BMX: variants seen among roughly 807,000 people sequenced by gnomAD.
The protein encoded by BMX is cytoplasmic tyrosine-protein kinase BMX.
Under a neutral mutation model 59.2 loss-of-function variants are expected in BMX, and 31 were observed. The ratio of observed to expected loss-of-function variants is 0.52; its 90% confidence interval spans 0.39 to 0.71. The LOEUF (loss-of-function observed/expected upper bound fraction) is 0.71, where lower values mean the gene tolerates loss of function less well. BMX is among the 30% of genes least tolerant of loss of function. The pLI is 0.00. For synonymous variants in BMX, 185 were observed against 181.0 expected, an observed-to-expected ratio of 1.02 and a Z score of -0.18; for missense variants, 474 against 491.7, an observed-to-expected ratio of 0.96 and a Z score of 0.34.
At chrX:15,554,384 T>G (rs1334344771) in intron 18 of BMX, among the ~76,000 whole-genome samples, 2 of 111,658 alleles carry the variant, frequency 1.8e-5, no homozygotes, top group African/African-American at 3.3e-5. Flanking sequence ...TCTTTTCACG[T>G]TTTTAAGGGT....
intron 18 of BMX, among the ~76,000 whole-genome samples, chrX:15,550,607 T>C (rs1926146934): frequency 9.3e-6 from 1 of 107,222 alleles, no homozygotes; most frequent in Non-Finnish European, 1.9e-5. Flanking sequence ...ATAGAACTAA[T>C]GGAGGTTGTT....
At chrX:15,505,198 G>A (rs1253186240) in intron 1 of BMX, among the ~76,000 whole-genome samples, 1 of 112,329 alleles carries the variant, frequency 8.9e-6, no homozygotes, top group Non-Finnish European at 1.9e-5. Context: ...AGAGGAGAAA[G>A]GAGAAGTATA....
chrX:15,506,301 C>T (rs1185255130), intron 1 of BMX, among the ~76,000 whole-genome samples: 6 of 111,869 alleles, frequency 5.4e-5, no homozygotes, highest in Non-Finnish European at 1.1e-4. Context: ...ATTTTTAATA[C>T]AGTGTTGTTA....
chrX:15,518,399 A>G (rs910829560), intron 6 of BMX, among the ~76,000 whole-genome samples: 6 of 111,581 alleles, frequency 5.4e-5, no homozygotes, highest in African/African-American at 2.0e-4. Flanking sequence ...ATGAAACTCT[A>G]TAGGACAAAA....
At chrX:15,524,920 G>A (rs1472987996) in intron 7 of BMX, among the ~76,000 whole-genome samples, 1 of 112,214 alleles carries the variant, frequency 8.9e-6, no homozygotes, top group Non-Finnish European at 1.9e-5. Context: ...AGTCACAATA[G>A]CTAAGAGGAA....
rs780423265 is a variant in BMX, at chrX:15,525,363, A to C, written c.828A>C (p.Ser276=). ...TGAATCACACCACCTCAAAGATTTC[A>C]TGGTAAATCAAATTCAGATATCTCC... ...RNVNHTTSKI[S]WEFPESSSSE... The change falls in exon 8 of 19, where the codon TCA becomes TCC. Residue 276 remains serine, a splice_region_variant and synonymous_variant. Transcript: ENST00000348343. 2 of 1,203,247 alleles carry C rather than the reference A, an allele frequency of 1.7e-6. No homozygotes were observed. The highest frequency in any genetic ancestry group is 1.7e-5 in the African/African-American group (1 of 57,730).
intron 11 of BMX, among the ~76,000 whole-genome samples, chrX:15,533,673 G>T (rs987241460): frequency 6.3e-5 from 7 of 111,343 alleles, no homozygotes; most frequent in African/African-American, 2.3e-4. Flanking sequence ...CAGAGGAAAA[G>T]AAAAAAGTGT....
At chrX:15,525,399 A>G in intron 8 of BMX, 34 bp downstream of exon 8, 1 of 1,129,935 alleles carries the variant, frequency 8.9e-7, no homozygotes, top group South Asian at 1.9e-5. Context: ...TACATCCAGA[A>G]TATGCTTCCA....
rs1003202379 is a variant in BMX at position 15,522,572 on chromosome X, T to G, written c.737T>G (p.Val246Gly). ...PREDFPDWWQ[V>G]RKLKSSSSSE... Reference sequence around the variant, plus strand: ...GAAGACTTCCCTGACTGGTGGCAAGTAAGAAAACTGAAAAGGTAATCCCCA... The same window carrying G: ...GAAGACTTCCCTGACTGGTGGCAAGGAAGAAAACTGAAAAGGTAATCCCCA... Residue 246 changes from valine (V) to glycine (G), a missense_variant, in exon 7 of 19, where the codon GTA becomes GGA. Physicochemically the swap from Val to Gly is moderately radical, Grantham distance 109 (BLOSUM62 -3). Coordinates refer to ENST00000348343, the MANE Select transcript of BMX (RefSeq NM_203281.3). 8.3e-7 allele frequency: 1 copy of G among 1,211,538 alleles called. No homozygotes were observed. The highest frequency in any genetic ancestry group is 1.8e-5 in the South Asian group (1 of 56,937).
chrX:15,550,220 T>C (rs1409950038), intron 18 of BMX, among the ~76,000 whole-genome samples: 1 of 111,528 alleles, frequency 9.0e-6, no homozygotes, highest in African/African-American at 3.3e-5. Context: ...ACACTATAAA[T>C]ATTAACTTAC....
intron 4 of BMX, among the ~76,000 whole-genome samples, chrX:15,513,811 C>G (rs749059175): frequency 3.6e-5 from 4 of 111,458 alleles, no homozygotes; most frequent in Admixed American, 9.5e-5. Context: ...AAGCCTGAGG[C>G]TGAGTCTCAG....
intron 9 of BMX, among the ~76,000 whole-genome samples, chrX:15,529,437 T>C (rs1325348063): frequency 8.9e-6 from 1 of 112,323 alleles, no homozygotes; most frequent in African/African-American, 3.2e-5. Flanking sequence ...CTTTTACTCA[T>C]TTCCTAAGTA....
At chrX:15,510,496 C>A (rs1299264111) in intron 3 of BMX, among the ~76,000 whole-genome samples, 1 of 110,908 alleles carries the variant, frequency 9.0e-6, no homozygotes, top group African/African-American at 3.3e-5. Context: ...GGCAACATAG[C>A]GAGACCTCAT....
At chrX:15,501,604 G>A (rs185046321) in intron 1 of BMX, among the ~76,000 whole-genome samples, 178 of 111,860 alleles carry the variant, frequency 1.6e-3, no homozygotes, top group Non-Finnish European at 2.6e-3. Context: ...TCCTGTGCAC[G>A]TGGATCACCT....
At chrX:15,527,283 T>TAGAC (rs1285065649) in intron 9 of BMX, among the ~76,000 whole-genome samples, 31 of 65,870 alleles carry the variant, frequency 4.7e-4, no homozygotes, top group African/African-American at 2.1e-3. Flanking sequence ...TATATATATA[T>TAGAC]ACACACACAC....
chrX:15,530,499 G>A (rs965335127), intron 10 of BMX, among the ~76,000 whole-genome samples: 1 of 112,118 alleles, frequency 8.9e-6, no homozygotes, highest in Non-Finnish European at 1.9e-5. Flanking sequence ...GAGCCCCACA[G>A]TGCAAGCACT....
Position 15,536,437 on chromosome X carries a change from C to T in BMX, c.1222+10C>T, listed in dbSNP as rs981350778. 1.7e-6 allele frequency: 2 copies of T among 1,177,239 alleles called. No individual in the cohort carries two copies. Among genetic ancestry groups the T allele is most frequent in the African/African-American group, 3.6e-5 (2 of 55,800 alleles). On this transcript the variant is annotated intron_variant, in intron 13 of 18. Transcript: ENST00000348343. Reference sequence around the variant, plus strand: ...GTGTCCCTGGGAAATGGTATGGATACATACTTGGGTTCTTAAACTCCATTT... The same window carrying T: ...GTGTCCCTGGGAAATGGTATGGATATATACTTGGGTTCTTAAACTCCATTT...
At chrX:15,510,175 A>G (rs1161331584) in intron 3 of BMX, among the ~76,000 whole-genome samples, 2 of 111,663 alleles carry the variant, frequency 1.8e-5, no homozygotes, top group Non-Finnish European at 3.8e-5. Context: ...TATGGTATGT[A>G]GTGTATGCTG....
At chrX:15,540,338 AC>A (rs1162556248) in intron 14 of BMX, among the ~76,000 whole-genome samples, 1 of 108,305 alleles carries the variant, frequency 9.2e-6, no homozygotes, top group African/African-American at 3.4e-5. Context: ...GGAACAGAAA[AC>A]CGAACACCGC....
Sources: allele counts gnomAD v4.1 joint callset (sites outside exome capture counted in the v4.1 genomes callset), GRCh38; gene constraint gnomAD v4.1.1; transcripts MANE v1.5; gene names NCBI Gene and HGNC (gene_info 2026-07-23, HGNC 2026-07-21).